Variants in ZFPM2 observed in about 807,000 individuals in gnomAD.
The protein encoded by ZFPM2 is zinc finger protein, FOG family member 2.
In ZFPM2, 20 loss-of-function variants were observed where a neutral mutation model predicts 98.6. The observed-to-expected ratio is 0.20, with a 90% confidence interval of 0.14 to 0.29. The LOEUF is 0.29. Ranked by LOEUF, ZFPM2 falls within the 10% of genes least tolerant of loss-of-function variation. The pLI is 1.00. For missense variants in ZFPM2, 1,310 were observed against 1,388.6 expected (o/e 0.94, Z 0.90); for synonymous variants, 518 against 502.7 (o/e 1.03, Z -0.41).
intron 1 of ZFPM2, among the ~76,000 whole-genome samples, chr8:105,401,726 C>A (rs1164063490): frequency 2.0e-5 from 3 of 152,104 alleles, no homozygotes; most frequent in Non-Finnish European, 4.4e-5. Context: ...ATATCACTTA[C>A]ACTTTTTATG....
At chr8:105,750,071 T>C (rs1586237848) in intron 5 of ZFPM2, among the ~76,000 whole-genome samples, 1 of 152,084 alleles carries the variant, frequency 6.6e-6, no homozygotes, top group African/African-American at 2.4e-5. Context: ...ATGAGATTAA[T>C]ATTTATTGAA....
At chr8:105,411,035 T>G (rs749255876) in intron 1 of ZFPM2, among the ~76,000 whole-genome samples, 17 of 151,854 alleles carry the variant, frequency 1.1e-4, no homozygotes, top group Non-Finnish European at 2.1e-4. Flanking sequence ...TGGGATAAAC[T>G]TTCTCCAACG....
chr8:105,428,251 A>G (rs1811953267), intron 2 of ZFPM2, among the ~76,000 whole-genome samples: 1 of 152,186 alleles, frequency 6.6e-6, no homozygotes, highest in Non-Finnish European at 1.5e-5. Flanking sequence ...ACTGTACACG[A>G]TGTGTCAGTC....
intron 1 of ZFPM2, among the ~76,000 whole-genome samples, chr8:105,354,688 G>A (rs145185935): frequency 4.2e-4 from 64 of 152,248 alleles, no homozygotes; most frequent in Non-Finnish European, 5.7e-4. Flanking sequence ...GAGAAGCAAC[G>A]CAATTTTGAG....
At chr8:105,693,572 A>C (rs1361554483) in intron 5 of ZFPM2, among the ~76,000 whole-genome samples, 3 of 152,204 alleles carry the variant, frequency 2.0e-5, no homozygotes, top group African/African-American at 7.2e-5. Context: ...TCCAGATAAA[A>C]TATTTCAAAA....
chr8:105,619,888 T>C (rs1386857216), intron 4 of ZFPM2, among the ~76,000 whole-genome samples: 1 of 152,178 alleles, frequency 6.6e-6, no homozygotes, highest in Non-Finnish European at 1.5e-5. Context: ...TGCATAGTAT[T>C]CCATGGTGTA....
At chr8:105,555,172 C>G (rs889242136) in intron 3 of ZFPM2, among the ~76,000 whole-genome samples, 8 of 151,802 alleles carry the variant, frequency 5.3e-5, no homozygotes, top group African/African-American at 1.9e-4. Context: ...AGAAACAGCC[C>G]TGAGCACTAA....
intron 3 of ZFPM2, among the ~76,000 whole-genome samples, chr8:105,514,307 CTTTTTTTTTTTTTTT>C (rs56955237): frequency 1.1e-3 from 136 of 127,552 alleles, no homozygotes; most frequent in Non-Finnish European, 1.2e-3. Context: ...CTGGTCGTGT[CTTTTTTTTTTTTTTT>C]TTTTTTTTTT....
At chr8:105,462,256 C>T (rs143101534) in intron 3 of ZFPM2, among the ~76,000 whole-genome samples, 1 of 152,184 alleles carries the variant, frequency 6.6e-6, no homozygotes, top group East Asian at 1.9e-4. Context: ...ACTGGTTCTC[C>T]AGGCTCCAGA....
rs1328873563 is a variant in ZFPM2, at chr8:105,456,167, TG to T, written c.301+11787del. On this transcript the variant is annotated intron_variant, in intron 3 of 7. Transcript: ENST00000407775. Reference sequence around the variant, plus strand: ...AAATGTTTTTTTTTGTTTGTTTGTTTGTTTTTTTTTTAAGAAGGAAGGGGCT... The same window carrying T: ...AAATGTTTTTTTTTGTTTGTTTGTTTTTTTTTTTTTAAGAAGGAAGGGGCT... Among the ~76,000 whole-genome samples the T allele has an allele frequency of 2.0e-4, 30 of 147,046 alleles. 2 individuals are homozygous for T. The highest frequency in any genetic ancestry group is 6.6e-4 in the South Asian group (3 of 4,576).
intron 5 of ZFPM2, among the ~76,000 whole-genome samples, chr8:105,695,376 G>GTT (rs1325692015): frequency 5.6e-5 from 5 of 89,718 alleles, no homozygotes; most frequent in African/African-American, 9.1e-5. Context: ...AGAATGGTTT[G>GTT]TATTTTTTTT....
At chr8:105,711,663 T>C (rs1249178192) in intron 5 of ZFPM2, among the ~76,000 whole-genome samples, 1 of 152,120 alleles carries the variant, frequency 6.6e-6, no homozygotes, top group Non-Finnish European at 1.5e-5. Context: ...TCATGATTTT[T>C]ACCCCCAGAA....
intron 3 of ZFPM2, among the ~76,000 whole-genome samples, chr8:105,467,321 T>G (rs1158688115): frequency 6.6e-6 from 1 of 152,068 alleles, no homozygotes; most frequent in Admixed American, 6.6e-5. Context: ...CACAAGCAAA[T>G]GAGGATGATA....
chr8:105,789,867 G>C (rs1273486518), intron 6 of ZFPM2, among the ~76,000 whole-genome samples: 3 of 150,102 alleles, frequency 2.0e-5, no homozygotes, highest in Non-Finnish European at 3.0e-5. Context: ...GTGTTTTTTG[G>C]CTGCATAAAT....
At chr8:105,618,254 A>G (rs1816461183) in intron 4 of ZFPM2, among the ~76,000 whole-genome samples, 1 of 152,158 alleles carries the variant, frequency 6.6e-6, no homozygotes, top group Non-Finnish European at 1.5e-5. Context: ...CTTTAACACC[A>G]TAGAAAGAAT....
At chr8:105,719,002 C>G (rs1175644250) in intron 5 of ZFPM2, among the ~76,000 whole-genome samples, 1 of 151,960 alleles carries the variant, frequency 6.6e-6, no homozygotes, top group Non-Finnish European at 1.5e-5. Flanking sequence ...AAATATGACT[C>G]TTTTCTACTG....
At chr8:105,687,144 G>A (rs184004409) in intron 5 of ZFPM2, among the ~76,000 whole-genome samples, 2 of 152,290 alleles carry the variant, frequency 1.3e-5, no homozygotes, top group African/African-American at 4.8e-5. Context: ...CAACATGACT[G>A]TGGAAGCCAC....
At chr8:105,571,639 C>A (rs1815356312) in intron 4 of ZFPM2, among the ~76,000 whole-genome samples, 1 of 152,110 alleles carries the variant, frequency 6.6e-6, no homozygotes, top group Admixed American at 6.5e-5. Flanking sequence ...AAATATTGTG[C>A]CAGCATTATG....
chr8:105,785,753 A>T (rs556424498), intron 5 of ZFPM2, among the ~76,000 whole-genome samples: 3 of 152,076 alleles, frequency 2.0e-5, no homozygotes, highest in East Asian at 1.9e-4. Context: ...AAAATATTTT[A>T]AAAAATTGGC....
Sources: gnomAD v4.1 joint callset for allele counts (sites outside exome capture counted in the v4.1 genomes callset) on GRCh38, gnomAD v4.1.1 for gene constraint, MANE v1.5 for transcripts, NCBI Gene and HGNC (gene_info 2026-07-23, HGNC 2026-07-21) for gene names.